Variants in CSMD1 observed in about 807,000 individuals in gnomAD.
CSMD1 encodes CUB and sushi domain-containing protein 1.
Under a neutral mutation model 417.5 loss-of-function variants are expected in CSMD1, and 213 were observed. That is an observed-to-expected ratio of 0.51 (90% CI 0.46 to 0.57). The LOEUF is 0.57. CSMD1 is among the 20% of genes least tolerant of loss of function. CSMD1 has a pLI of 0.00. For missense variants in CSMD1, 6,923 were observed against 4,529.7 expected (o/e 1.53, Z -15.17); for synonymous variants, 2,862 against 1,736.8 (o/e 1.65, Z -16.11).
chr8:3,585,986 T>A, intron 9 of CSMD1, 150 bp downstream of exon 9: 1 of 793,146 alleles, frequency 1.3e-6, no homozygotes, highest in East Asian at 2.8e-5. Context: ...GAAAGGTTTC[T>A]GTTATTACCC....
intron 5 of CSMD1, among the ~76,000 whole-genome samples, chr8:3,778,576 C>G (rs189963164): frequency 6.6e-6 from 1 of 152,158 alleles, no homozygotes; most frequent in Non-Finnish European, 1.5e-5. Flanking sequence ...CTGAGATTCT[C>G]TAGCAGAAAA....
At position 3,114,438 on chromosome 8, in the gene CSMD1, AAT is replaced by A. The variant is rs1006359811; in HGVS notation, c.6430+3959_6430+3960del. Reference sequence around the variant, plus strand: ...TAAATATGAATATAAAAATATAATAAATATGTTATAATATATATATTAATATA... The same window carrying A: ...TAAATATGAATATAAAAATATAATAAATGTTATAATATATATATTAATATA... On this transcript the variant is annotated intron_variant, in intron 42 of 69. Transcript: ENST00000635120. Among the ~76,000 whole-genome samples the A allele has an allele frequency of 4.3e-4, 64 of 149,400 alleles. 2 individuals are homozygous for A. The highest frequency in any genetic ancestry group is 3.0e-3 in the Admixed American group (45 of 14,904).
At chr8:3,682,531 G>C (rs1799719114) in intron 7 of CSMD1, among the ~76,000 whole-genome samples, 1 of 152,162 alleles carries the variant, frequency 6.6e-6, no homozygotes. Flanking sequence ...TCATTAAAAA[G>C]TCAGGAAACA....
At chr8:4,240,424 G>C (rs769067091) in intron 3 of CSMD1, among the ~76,000 whole-genome samples, 3 of 152,214 alleles carry the variant, frequency 2.0e-5, no homozygotes, top group African/African-American at 7.2e-5. Flanking sequence ...GATCCCTGTA[G>C]ACTTCAAGAT....
chr8:4,037,375 C>A (rs1418700489), intron 3 of CSMD1, among the ~76,000 whole-genome samples: 6 of 152,176 alleles, frequency 3.9e-5, no homozygotes, highest in Admixed American at 3.9e-4. Context: ...CAGCAATGGC[C>A]ATCAGCTCCA....
intron 3 of CSMD1, among the ~76,000 whole-genome samples, chr8:4,207,418 T>C (rs1021686518): frequency 7.2e-5 from 11 of 152,134 alleles, no homozygotes; most frequent in African/African-American, 2.4e-4. Context: ...TCATATTTTG[T>C]CTTCAACCAA....
At chr8:3,120,673 C>G (rs371322479) in intron 41 of CSMD1, among the ~76,000 whole-genome samples, 4 of 149,900 alleles carry the variant, frequency 2.7e-5, no homozygotes, top group African/African-American at 1.0e-4. Context: ...ATGGTGAAAC[C>G]CTGTCTCTAC....
chr8:3,609,578 A>G (rs564686061), intron 8 of CSMD1, among the ~76,000 whole-genome samples: 1 of 152,236 alleles, frequency 6.6e-6, no homozygotes, highest in Non-Finnish European at 1.5e-5. Flanking sequence ...CCAGATGAGG[A>G]ATATTTTACC....
intron 49 of CSMD1, among the ~76,000 whole-genome samples, chr8:3,057,167 C>G (rs1178518540): frequency 6.6e-6 from 1 of 151,962 alleles, no homozygotes; most frequent in Non-Finnish European, 1.5e-5. Flanking sequence ...TACACGCAAA[C>G]ACACACACAC....
intron 4 of CSMD1, among the ~76,000 whole-genome samples, chr8:4,026,568 T>C (rs1797076147): frequency 6.6e-6 from 1 of 152,180 alleles, no homozygotes; most frequent in South Asian, 2.1e-4. Context: ...TTAGGCCAAG[T>C]TTTAATGTCA....
intron 10 of CSMD1, among the ~76,000 whole-genome samples, chr8:3,566,815 T>C (rs878934964): frequency 2.6e-5 from 4 of 152,192 alleles, no homozygotes; most frequent in Admixed American, 1.3e-4. Flanking sequence ...AAGGAACACT[T>C]ATACACTGTT....
At chr8:3,713,606 C>A (rs1801653567) in intron 6 of CSMD1, among the ~76,000 whole-genome samples, 1 of 152,188 alleles carries the variant, frequency 6.6e-6, no homozygotes, top group Non-Finnish European at 1.5e-5. Context: ...TCTTAATACA[C>A]CCGTACCGTC....
At chr8:4,346,421 A>T (rs1296396611) in intron 3 of CSMD1, among the ~76,000 whole-genome samples, 1 of 152,112 alleles carries the variant, frequency 6.6e-6, no homozygotes, top group African/African-American at 2.4e-5. Flanking sequence ...AGGGAGTATG[A>T]CCCACACAGT....
intron 6 of CSMD1, among the ~76,000 whole-genome samples, chr8:3,734,942 C>T (rs1358375059): frequency 1.3e-5 from 2 of 152,144 alleles, no homozygotes; most frequent in Non-Finnish European, 2.9e-5. Flanking sequence ...TCATCCAAAC[C>T]CTCCAGAGTA....
chr8:4,713,139 C>T (rs77936490), intron 1 of CSMD1, among the ~76,000 whole-genome samples: 41,723 of 152,120 alleles, frequency 0.27, 7,102 homozygotes, highest in Non-Finnish European at 0.37. Context: ...ACTAGGACCT[C>T]TATTAAAATG....
rs1804623487 is a variant in CSMD1, at chr8:3,860,470, T to C, written c.819-106428A>G. 2.6e-5 allele frequency among the ~76,000 whole-genome samples: 4 copies of C among 152,310 alleles called. No homozygotes were observed. In the South Asian group the frequency reaches 8.3e-4, roughly 32 times the overall value. On this transcript the variant is annotated intron_variant, in intron 5 of 69. Transcript: ENST00000635120. Reference sequence around the variant, plus strand: ...CTATTTGAATGTAGGAGTTTGCTAATATAGTTTTTAAAATGTACTTGAAGT... The same window carrying C: ...CTATTTGAATGTAGGAGTTTGCTAACATAGTTTTTAAAATGTACTTGAAGT...
Position 4,164,858 on chromosome 8 carries a change from C to G in CSMD1, c.416-132759G>C, listed in dbSNP as rs549610667. 1.3e-3 allele frequency among the ~76,000 whole-genome samples: 189 copies of G among 142,866 alleles called. 2 individuals are homozygous for G. Among genetic ancestry groups the G allele is most frequent in the African/African-American group, 4.7e-3 (179 of 37,740 alleles). The allele number at this position is 142,866 out of a possible 152,430, so 93.7% of individuals were successfully genotyped here. A position where few individuals can be genotyped will look rare whatever the true frequency, so the allele number is the denominator to read the frequency against. ...GCCACTGCACTCCAAGCCTGAGCAA[C>G]AGAGCAAGACTCCATCTCAAAGAAA... On this transcript the variant is annotated intron_variant, in intron 3 of 69. Transcript: ENST00000635120.
chr8:4,159,145 A>G lies in CSMD1; in HGVS notation c.416-127046T>C, dbSNP rs182696891. On this transcript the variant is annotated intron_variant, in intron 3 of 69. Transcript: ENST00000635120. ...TTGGCAGGCTGGTCTTGAACTCCCA[A>G]CTTCAGGTAATCCACCTGTCTCGGC... is the stretch of plus-strand genomic sequence containing the variant. Among the ~76,000 whole-genome samples, 53 of 152,050 alleles carry G rather than the reference A, an allele frequency of 3.5e-4. 1 individual carries two copies. The East Asian group carries it at 3.7e-3, about 11-fold the overall frequency.
chr8:4,441,752 T>A (rs1028177596), intron 2 of CSMD1, among the ~76,000 whole-genome samples: 1 of 152,184 alleles, frequency 6.6e-6, no homozygotes, highest in South Asian at 2.1e-4. Flanking sequence ...AAATATTGCA[T>A]TGCAGTCCAT....
Sources: gnomAD v4.1 joint callset for allele counts (sites outside exome capture counted in the v4.1 genomes callset) on GRCh38, gnomAD v4.1.1 for gene constraint, MANE v1.5 for transcripts, NCBI Gene and HGNC (gene_info 2026-07-23, HGNC 2026-07-21) for gene names.